Variants in LOC128462377 observed in about 807,000 individuals in gnomAD.
chr16:89,398,142 GCT>G, the LOC128462377 span, among the ~76,000 whole-genome samples: 1 of 151,596 alleles, frequency 6.6e-6, no homozygotes, highest in African/African-American at 2.4e-5. Context: ...CTGTGAAACA[GCT>G]GAAGACTACC....
At chr16:89,394,011 C>G in the LOC128462377 span, among the ~76,000 whole-genome samples, 1 of 152,158 alleles carries the variant, frequency 6.6e-6, no homozygotes, top group Non-Finnish European at 1.5e-5. Context: ...GTTCCCAGAC[C>G]CCAGTGTTTG....
the LOC128462377 span, among the ~76,000 whole-genome samples, chr16:89,379,145 G>A: frequency 9.2e-3 from 1,397 of 152,302 alleles, 20 homozygotes; most frequent in African/African-American, 0.032. Flanking sequence ...AGGTGGGGCC[G>A]GCCCCCATGC....
At chr16:89,399,133 C>G in the LOC128462377 span, among the ~76,000 whole-genome samples, 2 of 152,202 alleles carry the variant, frequency 1.3e-5, no homozygotes, top group Non-Finnish European at 2.9e-5. Context: ...GAACACGGAG[C>G]AGGAGCATGA....
At chr16:89,326,313 G>A in the LOC128462377 span, among the ~76,000 whole-genome samples, 5 of 152,154 alleles carry the variant, frequency 3.3e-5, no homozygotes, top group Admixed American at 1.3e-4. Flanking sequence ...AGAAAGGTCT[G>A]GGGTGTCACG....
the LOC128462377 span, among the ~76,000 whole-genome samples, chr16:89,335,726 A>T: frequency 1.3e-5 from 2 of 152,234 alleles, no homozygotes; most frequent in African/African-American, 4.8e-5. Context: ...AACAGCAAGG[A>T]CCAAGGCATC....
chr16:89,417,739 G>A, the LOC128462377 span, among the ~76,000 whole-genome samples: 68 of 151,888 alleles, frequency 4.5e-4, 1 homozygote, highest in Non-Finnish European at 8.1e-4. Context: ...CAGCTCCCAG[G>A]ATACAGAATC....
At chr16:89,324,378 G>A in the LOC128462377 span, 1 of 729,760 alleles carries the variant, frequency 1.4e-6, no homozygotes, top group Non-Finnish European at 2.1e-6. Context: ...GGCGGCACGT[G>A]GGCGCAAAGT....
At chr16:89,380,182 G>A in the LOC128462377 span, among the ~76,000 whole-genome samples, 5 of 152,014 alleles carry the variant, frequency 3.3e-5, no homozygotes, top group African/African-American at 9.7e-5. Flanking sequence ...GCGTGATCTC[G>A]GCTCACTTCA....
At chr16:89,335,475 G>A in the LOC128462377 span, among the ~76,000 whole-genome samples, 5 of 152,212 alleles carry the variant, frequency 3.3e-5, no homozygotes, top group Non-Finnish European at 7.4e-5. Context: ...CACGCAGTAC[G>A]CAGTGGGTTA....
chr16:89,341,724 G>C, the LOC128462377 span, among the ~76,000 whole-genome samples: 1 of 152,206 alleles, frequency 6.6e-6, no homozygotes, highest in Non-Finnish European at 1.5e-5. Context: ...ACCTACAAAA[G>C]CAAAATAAGG....
the LOC128462377 span, among the ~76,000 whole-genome samples, chr16:89,331,907 C>T: frequency 1.2e-4 from 18 of 152,276 alleles, no homozygotes; most frequent in African/African-American, 4.3e-4. Context: ...GGCTCCTGCA[C>T]GTGGGCCCCA....
chr16:89,323,222 GGAAAAAA>G, the LOC128462377 span: 3 of 1,081,360 alleles, frequency 2.8e-6, no homozygotes, highest in Non-Finnish European at 3.7e-6. Flanking sequence ...ACTGAGCGGA[GGAAAAAA>G]GAAAAAAGGA....
At chr16:89,384,077 G>A in the LOC128462377 span, among the ~76,000 whole-genome samples, 5,921 of 152,178 alleles carry the variant, frequency 0.039, 189 homozygotes, top group Non-Finnish European at 0.059. Context: ...AAAATTAGCC[G>A]GGCGTGGTGG....
At chr16:89,411,634 G>A in the LOC128462377 span, among the ~76,000 whole-genome samples, 2 of 151,942 alleles carry the variant, frequency 1.3e-5, no homozygotes, top group Admixed American at 6.6e-5. Context: ...GGCTGGTCTC[G>A]AACTCCTGAC....
chr16:89,340,016 G>A, the LOC128462377 span: 1 of 152,228 alleles, frequency 6.6e-6, no homozygotes, highest in Non-Finnish European at 1.5e-5. Flanking sequence ...GACAACTGCA[G>A]TGTGCGCTCC....
At chr16:89,351,946 T>C in the LOC128462377 span, among the ~76,000 whole-genome samples, 1 of 152,220 alleles carries the variant, frequency 6.6e-6, no homozygotes, top group African/African-American at 2.4e-5. Context: ...AGTCTCACTC[T>C]GTCGCCCAGG....
the LOC128462377 span, chr16:89,396,056 T>C: frequency 6.6e-6 from 1 of 152,118 alleles, no homozygotes; most frequent in Non-Finnish European, 1.5e-5. Flanking sequence ...TACTGGCAGA[T>C]CATTTCTAAA....
At chr16:89,361,664 G>A in the LOC128462377 span, 2 of 152,166 alleles carry the variant, frequency 1.3e-5, no homozygotes, top group South Asian at 4.1e-4. Flanking sequence ...CAGGCTCAGG[G>A]AGACCTTCCA....
At chr16:89,370,982 G>A in the LOC128462377 span, among the ~76,000 whole-genome samples, 3 of 152,078 alleles carry the variant, frequency 2.0e-5, no homozygotes, top group East Asian at 1.9e-4. Context: ...CTAGGGCTCC[G>A]TCCCTTGCTT....
Sources: gnomAD v4.1 joint callset for allele counts (sites outside exome capture counted in the v4.1 genomes callset) on GRCh38, gnomAD v4.1.1 for gene constraint, MANE v1.5 for transcripts.